Variants in CACNA2D4 observed in about 807,000 individuals in gnomAD.
The protein encoded by CACNA2D4 is calcium voltage-gated channel auxiliary subunit alpha2delta 4, also known as voltage-dependent calcium channel subunit alpha-2/delta-4.
CACNA2D4 carries 157 observed loss-of-function variants against 163.8 expected under a neutral mutation model. The ratio of observed to expected loss-of-function variants is 0.96; its 90% CI spans 0.84 to 1.09. The LOEUF (loss-of-function observed/expected upper bound fraction) is 1.09, where lower values mean the gene tolerates loss of function less well. Among genes scored for constraint, CACNA2D4 ranks in the 50% least tolerant of loss-of-function variants. The pLI, the probability that CACNA2D4 is intolerant of heterozygous loss-of-function variation, is 0.00. For synonymous variants in CACNA2D4, 598 were observed against 586.9 expected (o/e 1.02, Z -0.27); for missense variants, 1,410 against 1,479.9 (o/e 0.95, Z 0.78).
intron 26 of CACNA2D4, among the ~76,000 whole-genome samples, chr12:1,816,604 T>C (rs1399590559): frequency 6.6e-6 from 1 of 152,222 alleles, no homozygotes; most frequent in East Asian, 1.9e-4. Context: ...TCAGCTCCGC[T>C]GGCAGACAAC....
chr12:1,813,676 GGT>G (rs1250821361), intron 26 of CACNA2D4, among the ~76,000 whole-genome samples: 1 of 152,194 alleles, frequency 6.6e-6, no homozygotes, highest in Non-Finnish European at 1.5e-5. Context: ...GCAATCCTGG[GGT>G]GGTGCTCCGG....
chr12:1,822,623 G>A (rs1592676692), intron 26 of CACNA2D4, among the ~76,000 whole-genome samples: 1 of 152,226 alleles, frequency 6.6e-6, no homozygotes, highest in South Asian at 2.1e-4. Flanking sequence ...ACAAGGAAAC[G>A]GGGGTGCAGG....
chr12:1,793,789 G>C, intron 37 of CACNA2D4, 30 bp from the exon 38 acceptor site: 1 of 1,578,454 alleles, frequency 6.3e-7, no homozygotes, highest in Non-Finnish European at 8.7e-7. Context: ...GTGACAGCGC[G>C]GCGCTCAGAG....
rs770663261 is a variant in CACNA2D4 at position 1,792,760 on chromosome 12, T to A, written c.*895A>T. On this transcript the variant is annotated 3_prime_UTR_variant, in exon 38 of 38. Coordinates refer to ENST00000382722, the MANE Select transcript of CACNA2D4 (RefSeq NM_172364.5). ...TCCCACAAGTTCCAACCCTAAGGATTTCACTCCAGGGACAGAGTCAAGTAG... is the reference window on the plus strand; with the variant it reads ...TCCCACAAGTTCCAACCCTAAGGATATCACTCCAGGGACAGAGTCAAGTAG... 23 of 152,170 alleles carry A rather than the reference T, an allele frequency of 1.5e-4. No individual in the cohort carries two copies. The highest frequency in any genetic ancestry group is 2.5e-4 in the Non-Finnish European group (17 of 68,016). The allele number at this position is 152,170 out of a possible 1,614,324, so 9.4% of individuals were successfully genotyped here. A position where few individuals can be genotyped will look rare whatever the true frequency, so the allele number is the denominator to read the frequency against.
At chr12:1,912,177 C>T (rs1276777600) in intron 3 of CACNA2D4, among the ~76,000 whole-genome samples, 1 of 152,234 alleles carries the variant, frequency 6.6e-6, no homozygotes, top group Non-Finnish European at 1.5e-5. Context: ...CTGGCCTCAG[C>T]CTCCCAATCC....
intron 5 of CACNA2D4, 56 bp from the exon 6 acceptor site, chr12:1,907,627 T>C: frequency 6.5e-7 from 1 of 1,532,854 alleles, no homozygotes; most frequent in Non-Finnish European, 9.0e-7. Flanking sequence ...AAAATGGTGA[T>C]CATGCCCGGT....
chr12:1,824,275 A>G (rs1431998777), intron 26 of CACNA2D4, among the ~76,000 whole-genome samples: 1 of 152,120 alleles, frequency 6.6e-6, no homozygotes, highest in Non-Finnish European at 1.5e-5. Flanking sequence ...ATCTTGTTAA[A>G]ATGCGGATTC....
Position 1,878,332 on chromosome 12 carries a change from G to C in CACNA2D4, c.1702C>G (p.Pro568Ala), listed in dbSNP as rs1441540477. 1.2e-6 allele frequency: 2 copies of C among 1,609,548 alleles called. No individual in the cohort carries two copies. The highest frequency in any genetic ancestry group is 1.7e-6 in the Non-Finnish European group (2 of 1,178,292). ...GTACCTACCAGGGGCCGGAGGTCGG[G>C]ATGGGAGAGGATGTAGCCATTGTTG... ...NTNNGYILSHPDLRPLYREGK... is the reference protein window; with the variant it reads ...NTNNGYILSHADLRPLYREGK... The change falls in exon 16 of 38, where the codon CCC becomes GCC. Residue 568 changes from proline to alanine, a missense_variant. Transcript: ENST00000382722. This position sits in a 1 kb window ranked among gnomAD's most constrained non-coding sequence, Gnocchi z 4.6.
chr12:1,916,534 G>A (rs116958615), intron 1 of CACNA2D4, among the ~76,000 whole-genome samples: 2,452 of 149,450 alleles, frequency 0.016, 40 homozygotes, highest in Non-Finnish European at 0.02. Context: ...TCTGAGCGTC[G>A]ACAGCTGCTG....
rs1367938479 is a variant in CACNA2D4 at position 1,800,070 on chromosome 12, G to A, written c.2922-18C>T. 8 of 1,588,634 alleles carry A rather than the reference G, an allele frequency of 5.0e-6. No individual in the cohort carries two copies. The highest frequency in any genetic ancestry group is 6.9e-6 in the Non-Finnish European group (8 of 1,167,570). On this transcript the variant is annotated intron_variant, in intron 32 of 37. Transcript: ENST00000382722. ...GCAGGAACCTGTCAGACACAGGACT[G>A]AATCTCGGAGACCTCTGAGCCCTCC...
rs1864706589 is a variant in CACNA2D4, at chr12:1,833,209, T to C, written c.2551+7530A>G. ...CATCGGCATCCCAGGGAAAGATTGATGCCTATTGTATGAGGAGACTTGCGG... is the reference window on the plus strand; with the variant it reads ...CATCGGCATCCCAGGGAAAGATTGACGCCTATTGTATGAGGAGACTTGCGG... On this transcript the variant is annotated intron_variant, in intron 26 of 37. Coordinates refer to ENST00000382722, the MANE Select transcript of CACNA2D4 (RefSeq NM_172364.5). The surrounding 1 kb of genome is among the most constrained non-coding windows in gnomAD (Gnocchi z 4.2). Among the ~76,000 whole-genome samples, 1 of 152,258 alleles carries C rather than the reference T, an allele frequency of 6.6e-6. No homozygotes were observed. The highest frequency in any genetic ancestry group is 2.4e-5 in the African/African-American group (1 of 41,480).
chr12:1,855,861 T>C, intron 22 of CACNA2D4, 151 bp downstream of exon 22: 1 of 633,592 alleles, frequency 1.6e-6, no homozygotes, highest in Admixed American at 2.7e-5. Context: ...CCTTTTTCTT[T>C]GGGAATCTCC....
chr12:1,912,320 C>G (rs1400735753), intron 3 of CACNA2D4, among the ~76,000 whole-genome samples: 1 of 152,238 alleles, frequency 6.6e-6, no homozygotes, highest in Non-Finnish European at 1.5e-5. Flanking sequence ...TCCAACCACA[C>G]TGTATCTACT....
At chr12:1,892,945 G>A (rs1440267169) in intron 6 of CACNA2D4, among the ~76,000 whole-genome samples, 1 of 152,126 alleles carries the variant, frequency 6.6e-6, no homozygotes, top group Non-Finnish European at 1.5e-5. Context: ...AGAGTATATG[G>A]CAATTCTAAA....
rs552120096 is a variant in CACNA2D4 at position 1,833,866 on chromosome 12, G to C, written c.2551+6873C>G. 6.6e-6 allele frequency among the ~76,000 whole-genome samples: 1 copy of C among 152,334 alleles called. No homozygotes were observed. The highest frequency in any genetic ancestry group is 2.1e-4 in the South Asian group (1 of 4,828). On this transcript the variant is annotated intron_variant, in intron 26 of 37. Transcript: ENST00000382722. The surrounding 1 kb of genome is among the most constrained non-coding windows in gnomAD (Gnocchi z 4.2). ...ATGAGCAGGCAGATTCGGGGGCAGA[G>C]AGTGTGGCAGGGACGCTCAGCTCTC... is the stretch of plus-strand genomic sequence containing the variant.
intron 26 of CACNA2D4, among the ~76,000 whole-genome samples, chr12:1,814,706 G>A (rs191932662): frequency 1.2e-3 from 176 of 152,106 alleles, no homozygotes; most frequent in African/African-American, 3.5e-3. Context: ...CATCTCCACC[G>A]TTACCACCCT....
At chr12:1,816,721 G>A (rs1863884862) in intron 26 of CACNA2D4, among the ~76,000 whole-genome samples, 1 of 152,210 alleles carries the variant, frequency 6.6e-6, no homozygotes, top group Non-Finnish European at 1.5e-5. Flanking sequence ...CATCACAGAA[G>A]GCAAAACCAA....
chr12:1,814,977 C>T (rs1056064405), intron 26 of CACNA2D4, among the ~76,000 whole-genome samples: 1 of 152,240 alleles, frequency 6.6e-6, no homozygotes, highest in African/African-American at 2.4e-5. Context: ...GCAACCTCCA[C>T]CTCCCAGATT....
At chr12:1,816,668 G>A (rs1270872512) in intron 26 of CACNA2D4, among the ~76,000 whole-genome samples, 1 of 152,240 alleles carries the variant, frequency 6.6e-6, no homozygotes, top group Non-Finnish European at 1.5e-5. Flanking sequence ...CAAGATGTAC[G>A]TCTTTGCTGT....
Sources: gnomAD v4.1 joint callset for allele counts (sites outside exome capture counted in the v4.1 genomes callset) on GRCh38, gnomAD v4.1.1 for gene constraint, Gnocchi (gnomAD v3.1) non-coding constraint, MANE v1.5 for transcripts, NCBI Gene and HGNC (gene_info 2026-07-23, HGNC 2026-07-21) for gene names.